ERC2: variants seen among roughly 807,000 people sequenced by gnomAD.
The protein encoded by ERC2 is ERC protein 2.
A neutral mutation model predicts 114.8 loss-of-function variants in ERC2; 42 were observed. The ratio of observed to expected loss-of-function variants is 0.37; its 90% confidence interval spans 0.29 to 0.47. The LOEUF is 0.47. Among genes scored for constraint, ERC2 ranks in the 20% least tolerant of loss-of-function variants. The pLI is 0.99. For synonymous variants in ERC2, 454 were observed against 425.5 expected, an observed-to-expected ratio of 1.07 and a Z score of -0.82; for missense variants, 939 against 1,150.7, an observed-to-expected ratio of 0.82 and a Z score of 2.66.
In ERC2 at chr3:56,007,982, G is replaced by A. The variant is rs1484809708; in HGVS notation, c.1921-661C>T. ...ACTAATCATGTCCAGAAACCAACAG[G>A]CTCCACATATAGTTTGAATTCCAAA... On this transcript the variant is annotated intron_variant, in intron 9 of 17. Transcript: ENST00000288221. Among the ~76,000 whole-genome samples the A allele has an allele frequency of 3.3e-5, 5 of 152,080 alleles. No homozygotes were observed. The South Asian group carries it at 6.2e-4, about 19-fold the overall frequency.
chr3:56,348,400 G>T (rs956285240), intron 2 of ERC2, among the ~76,000 whole-genome samples: 28 of 152,052 alleles, frequency 1.8e-4, no homozygotes, highest in African/African-American at 5.8e-4. Context: ...AATGTTGGGT[G>T]GTGGGGCCAG....
At chr3:55,752,547 A>G (rs1254872639) in intron 14 of ERC2, among the ~76,000 whole-genome samples, 2 of 152,254 alleles carry the variant, frequency 1.3e-5, no homozygotes, top group African/African-American at 4.8e-5. Context: ...AGCCTACAAT[A>G]GGAAATACAT....
intron 17 of ERC2, among the ~76,000 whole-genome samples, chr3:55,537,107 C>T (rs531226401): frequency 6.6e-6 from 1 of 152,324 alleles, no homozygotes; most frequent in South Asian, 2.1e-4. Flanking sequence ...AACACCTTGG[C>T]GTCCTTTGCC....
intron 17 of ERC2, among the ~76,000 whole-genome samples, chr3:55,630,699 C>T (rs913762043): frequency 2.0e-5 from 3 of 152,208 alleles, no homozygotes; most frequent in Non-Finnish European, 4.4e-5. Flanking sequence ...GTGGACACAC[C>T]GTCAACTTGG....
intron 3 of ERC2, among the ~76,000 whole-genome samples, chr3:56,175,106 T>C (rs776857933): frequency 3.9e-5 from 6 of 152,176 alleles, no homozygotes; most frequent in African/African-American, 2.4e-5. Context: ...ATTATGCTGT[T>C]CTTATTATAT....
At chr3:56,122,132 T>C (rs1347517932) in intron 6 of ERC2, among the ~76,000 whole-genome samples, 1 of 152,220 alleles carries the variant, frequency 6.6e-6, no homozygotes, top group Non-Finnish European at 1.5e-5. Context: ...TATAGGGGAA[T>C]GATGAACTAA....
intron 6 of ERC2, among the ~76,000 whole-genome samples, chr3:56,113,109 C>T (rs1447695039): frequency 6.6e-6 from 1 of 152,202 alleles, no homozygotes; most frequent in Non-Finnish European, 1.5e-5. Context: ...TGAAAATTAA[C>T]TATCTGACAG....
chr3:56,366,588 C>G (rs777618346), intron 2 of ERC2, among the ~76,000 whole-genome samples: 1 of 152,184 alleles, frequency 6.6e-6, no homozygotes, highest in Non-Finnish European at 1.5e-5. Context: ...TTATTTTCCT[C>G]TTGGTAATAC....
In ERC2 at chr3:55,509,644, G is replaced by A. The variant is rs980361439; in HGVS notation, c.*1672C>T. The A allele has an allele frequency of 5.9e-5, 9 of 152,538 alleles. No individual in the cohort carries two copies. The highest frequency in any genetic ancestry group is 1.9e-4 in the African/African-American group (8 of 41,406). 9.4% of individuals were successfully genotyped at this position (152,538 alleles called of 1,614,324 possible). On this transcript the variant is annotated 3_prime_UTR_variant, in exon 18 of 18. Transcript: ENST00000288221. ...AACCGCGAATGCACCAAGAAAGAATGGTGCAACTCAGGGACGGTTTCATCT... is the reference window on the plus strand; with the variant it reads ...AACCGCGAATGCACCAAGAAAGAATAGTGCAACTCAGGGACGGTTTCATCT...
chr3:55,744,488 T>C (rs1214825763), intron 14 of ERC2, among the ~76,000 whole-genome samples: 1 of 152,204 alleles, frequency 6.6e-6, no homozygotes. Context: ...AACTTCACCT[T>C]AGCCTCTGAT....
intron 7 of ERC2, among the ~76,000 whole-genome samples, chr3:56,043,528 A>G (rs886893378): frequency 6.6e-6 from 1 of 152,216 alleles, no homozygotes; most frequent in Non-Finnish European, 1.5e-5. Context: ...CACTCAGAAA[A>G]AAAAAGAGGA....
At chr3:55,996,778 G>A (rs1441354459) in intron 10 of ERC2, among the ~76,000 whole-genome samples, 2 of 152,202 alleles carry the variant, frequency 1.3e-5, no homozygotes, top group Non-Finnish European at 2.9e-5. Context: ...CTTGGGATGA[G>A]CAGTATATTA....
intron 12 of ERC2, among the ~76,000 whole-genome samples, chr3:55,953,174 C>T (rs150078283): frequency 0.035 from 5,142 of 148,158 alleles, 172 homozygotes; most frequent in African/African-American, 0.086. Flanking sequence ...CACTGCACTC[C>T]AGCCTGGGTG....
At chr3:56,021,172 G>A (rs1205322386) in intron 7 of ERC2, among the ~76,000 whole-genome samples, 2 of 152,158 alleles carry the variant, frequency 1.3e-5, no homozygotes, top group Non-Finnish European at 1.5e-5. Flanking sequence ...GTACAGAACA[G>A]TGTGTAGCAT....
chr3:55,822,509 A>G (rs1415230984), intron 14 of ERC2, among the ~76,000 whole-genome samples: 1 of 150,742 alleles, frequency 6.6e-6, no homozygotes, highest in Non-Finnish European at 1.5e-5. Context: ...CATCCTCATC[A>G]TGGTTCTTAT....
At chr3:55,614,006 A>G (rs2059020069) in intron 17 of ERC2, among the ~76,000 whole-genome samples, 1 of 150,480 alleles carries the variant, frequency 6.6e-6, no homozygotes, top group Non-Finnish European at 1.5e-5. Context: ...AAAAAAAAAA[A>G]AAAAAAAGAA....
chr3:56,368,134 C>A (rs1220229607), intron 2 of ERC2, among the ~76,000 whole-genome samples: 12 of 149,740 alleles, frequency 8.0e-5, no homozygotes, highest in African/African-American at 3.0e-4. Context: ...AACAAACCTG[C>A]ACATGTACCC....
chr3:56,052,379 AG>A (rs2075814954), intron 7 of ERC2, among the ~76,000 whole-genome samples: 1 of 152,250 alleles, frequency 6.6e-6, no homozygotes, highest in Admixed American at 6.5e-5. Context: ...GCTAATGCGC[AG>A]GGTCAGCAAA....
intron 17 of ERC2, among the ~76,000 whole-genome samples, chr3:55,569,177 A>G (rs978406885): frequency 4.6e-5 from 7 of 152,222 alleles, no homozygotes; most frequent in African/African-American, 1.7e-4. Context: ...CATCACCCTC[A>G]GGGAGAAAGA....
Sources: allele counts gnomAD v4.1 joint callset (sites outside exome capture counted in the v4.1 genomes callset), GRCh38; gene constraint gnomAD v4.1.1; transcripts MANE v1.5; gene names NCBI Gene and HGNC (gene_info 2026-07-23, HGNC 2026-07-21).